SS18: variants seen among roughly 807,000 people sequenced by gnomAD.
The protein encoded by SS18 is SS18 subunit of BAF chromatin remodeling complex, also known as protein SSXT.
SS18 carries 28 observed loss-of-function variants against 72.5 expected under a neutral mutation model. The observed-to-expected ratio is 0.39, with a 90% CI of 0.29 to 0.53. The LOEUF is 0.53. Ranked by LOEUF, SS18 falls within the 20% of genes least tolerant of loss-of-function variation. The pLI is 0.76. For missense variants in SS18, 518 were observed against 535.3 expected (o/e 0.97, Z 0.32); for synonymous variants, 172 against 164.2 (o/e 1.05, Z -0.37).
chr18:26,034,664 G>A (rs2143851629), intron 9 of SS18, among the ~76,000 whole-genome samples: 1 of 151,254 alleles, frequency 6.6e-6, no homozygotes, highest in South Asian at 2.1e-4. Context: ...TTGCTAAGCA[G>A]ATTATATACA....
chr18:26,036,525 T>C (rs1185617401), intron 7 of SS18, among the ~76,000 whole-genome samples: 1 of 152,198 alleles, frequency 6.6e-6, no homozygotes, highest in Non-Finnish European at 1.5e-5. Flanking sequence ...AACATACATC[T>C]TCATAAAATT....
chr18:26,088,300 A>T (rs1442338508), intron 1 of SS18, among the ~76,000 whole-genome samples: 1 of 152,216 alleles, frequency 6.6e-6, no homozygotes, highest in Non-Finnish European at 1.5e-5. Flanking sequence ...AACAGTAAAG[A>T]AAAATTCTGT....
intron 3 of SS18, among the ~76,000 whole-genome samples, chr18:26,072,136 C>T (rs995492637): frequency 4.0e-5 from 6 of 151,598 alleles, no homozygotes; most frequent in African/African-American, 1.5e-4. Flanking sequence ...ACAACAACAA[C>T]GAAAAGGTCA....
chr18:26,039,578 G>C, intron 5 of SS18, 122 bp from the exon 6 acceptor site: 1 of 823,226 alleles, frequency 1.2e-6, no homozygotes, highest in South Asian at 4.1e-5. Context: ...AGTAAAAACT[G>C]ATTTCAAATA....
At chr18:26,061,409 A>G (rs537369723) in intron 3 of SS18, among the ~76,000 whole-genome samples, 2 of 152,244 alleles carry the variant, frequency 1.3e-5, no homozygotes, top group Non-Finnish European at 2.9e-5. Context: ...ATTCCAGAAA[A>G]GGAAAATATA....
In SS18 at chr18:26,075,687, T is replaced by C. The variant is rs2054399333; in HGVS notation, c.231+2389A>G. Among the ~76,000 whole-genome samples, 3 of 151,992 alleles carry C rather than the reference T, an allele frequency of 2.0e-5. 1 individual carries two copies. Among genetic ancestry groups the C allele is most frequent in the South Asian group, 4.2e-4 (2 of 4,816 alleles). On this transcript the variant is annotated intron_variant, in intron 3 of 10. Coordinates refer to ENST00000415083, the MANE Select transcript of SS18 (RefSeq NM_001007559.3). ...GATCAGGAACAAGACAAGGATGTCCTCTATCACCACTTCTATTCAGGAATG... is the reference window on the plus strand; with the variant it reads ...GATCAGGAACAAGACAAGGATGTCCCCTATCACCACTTCTATTCAGGAATG...
intron 2 of SS18, among the ~76,000 whole-genome samples, chr18:26,079,739 C>A (rs1418772549): frequency 6.6e-6 from 1 of 152,046 alleles, no homozygotes; most frequent in African/African-American, 2.4e-5. Flanking sequence ...CATACCACCA[C>A]ACGGTGCTAA....
At chr18:26,056,473 G>A (rs2054023778) in intron 4 of SS18, among the ~76,000 whole-genome samples, 1 of 152,154 alleles carries the variant, frequency 6.6e-6, no homozygotes, top group African/African-American at 2.4e-5. Flanking sequence ...TGCCATATAT[G>A]TTGCAAGCCT....
intron 4 of SS18, among the ~76,000 whole-genome samples, chr18:26,055,819 G>A (rs12957449): frequency 8.1e-5 from 12 of 148,002 alleles, no homozygotes; most frequent in Non-Finnish European, 1.8e-4. Context: ...GTGCAGTGGC[G>A]TGATTTCGGC....
At chr18:26,060,863 C>T (rs576545222) in intron 3 of SS18, among the ~76,000 whole-genome samples, 66 of 133,094 alleles carry the variant, frequency 5.0e-4, no homozygotes, top group African/African-American at 1.5e-3. Flanking sequence ...GGCTGAGAAA[C>T]GAGAATCGCT....
chr18:26,062,500 A>C (rs1047387976), intron 3 of SS18, among the ~76,000 whole-genome samples: 3 of 152,176 alleles, frequency 2.0e-5, no homozygotes, highest in Admixed American at 6.5e-5. Context: ...AAAGAAAGGA[A>C]CAAATAGAAA....
chr18:26,032,581 A>T (rs753022509), intron 9 of SS18, 49 bp from the exon 10 acceptor site: 1 of 1,598,842 alleles, frequency 6.3e-7, no homozygotes, highest in South Asian at 1.1e-5. Flanking sequence ...GTAAGTCCCT[A>T]GAACTCAGGG....
intron 3 of SS18, among the ~76,000 whole-genome samples, chr18:26,058,038 GA>G (rs938915260): frequency 2.0e-5 from 3 of 151,908 alleles, no homozygotes; most frequent in Non-Finnish European, 4.4e-5. Context: ...TAAATTATGT[GA>G]AAAAAATTAA....
chr18:26,070,682 C>T (rs1489035936), intron 3 of SS18, among the ~76,000 whole-genome samples: 1 of 151,872 alleles, frequency 6.6e-6, no homozygotes, highest in Non-Finnish European at 1.5e-5. Flanking sequence ...TCCAAACACA[C>T]GAAATAGAAC....
Position 26,090,486 on chromosome 18 carries a change from C to G in SS18, c.69+15G>C. 1.3e-6 allele frequency: 2 copies of G among 1,560,928 alleles called. No individual in the cohort carries two copies. The highest frequency in any genetic ancestry group is 1.7e-6 in the Non-Finnish European group (2 of 1,152,634). ...GCGGTAAGGGCCTGGCATCCGCAAC[C>G]CCGCGCGGTTTCACCTTCTGAATCG... On this transcript the variant is annotated intron_variant, in intron 1 of 10. Coordinates refer to ENST00000415083, the MANE Select transcript of SS18 (RefSeq NM_001007559.3).
At chr18:26,019,534 G>A (rs58277476) in intron 10 of SS18, among the ~76,000 whole-genome samples, 14,843 of 152,128 alleles carry the variant, frequency 0.098, 1,109 homozygotes, top group African/African-American at 0.19. Context: ...TTATGGGCCA[G>A]GCATGGTGAC....
chr18:26,069,523 A>G (rs189676429), intron 3 of SS18, among the ~76,000 whole-genome samples: 1,884 of 150,538 alleles, frequency 0.013, 27 homozygotes, highest in African/African-American at 0.035. Context: ...AAAAAAAAAA[A>G]AAAGAAAAAG....
intron 10 of SS18, among the ~76,000 whole-genome samples, chr18:26,027,007 G>C (rs1327902749): frequency 6.6e-6 from 1 of 152,066 alleles, no homozygotes. Flanking sequence ...AAATAATACT[G>C]TCAGTTCTCC....
intron 5 of SS18, among the ~76,000 whole-genome samples, chr18:26,049,239 C>G (rs2053880419): frequency 6.6e-6 from 1 of 152,006 alleles, no homozygotes; most frequent in African/African-American, 2.4e-5. Context: ...GAAATCCCTT[C>G]TACACAATTT....
Sources: allele counts gnomAD v4.1 joint callset (sites outside exome capture counted in the v4.1 genomes callset), GRCh38; gene constraint gnomAD v4.1.1; transcripts MANE v1.5; gene names NCBI Gene and HGNC (gene_info 2026-07-23, HGNC 2026-07-21).